DOCK1: variants seen among roughly 807,000 people sequenced by gnomAD.
DOCK1 encodes the protein dedicator of cytokinesis 1, also known as dedicator of cytokinesis protein 1.
A neutral mutation model predicts 262.7 loss-of-function variants in DOCK1; 138 were observed. The ratio of observed to expected loss-of-function variants is 0.53; its 90% CI spans 0.46 to 0.61. DOCK1 has a LOEUF of 0.61. DOCK1 is among the 20% of genes least tolerant of loss of function. The pLI is 0.00. For missense variants in DOCK1, 1,908 were observed against 2,370.7 expected, an observed-to-expected ratio of 0.80 and a Z score of 4.05; for synonymous variants, 866 against 867.4, an observed-to-expected ratio of 1.00 and a Z score of 0.03.
intron 27 of DOCK1, among the ~76,000 whole-genome samples, chr10:127,206,136 C>CTTTTTTTTTTTTTTTTTTTTTTTTT (rs34450374): frequency 2.5e-5 from 2 of 78,622 alleles, no homozygotes; most frequent in Non-Finnish European, 4.5e-5. Flanking sequence ...TTCTTCTTCT[C>CTTTTTTTTTTTTTTTTTTTTTTTTT]TTTTTTTTTT....
intron 43 of DOCK1, among the ~76,000 whole-genome samples, chr10:127,414,052 T>C (rs56773226): frequency 0.094 from 14,283 of 152,108 alleles, 788 homozygotes; most frequent in South Asian, 0.16. Context: ...GCTGAGACTA[T>C]AGGCACATGC....
rs561663540 is a variant in DOCK1, at chr10:127,372,412, C to G, written c.3433-1369C>G. On this transcript the variant is annotated intron_variant, in intron 33 of 51. Coordinates refer to ENST00000623213, the MANE Select transcript of DOCK1 (RefSeq NM_001290223.2). Reference sequence around the variant, plus strand: ...TTTTCACGACTGGGCTTGGCCTGGCCAAGAATGCAGGTTGTGATTTATCAA... The same window carrying G: ...TTTTCACGACTGGGCTTGGCCTGGCGAAGAATGCAGGTTGTGATTTATCAA... 6.6e-5 allele frequency among the ~76,000 whole-genome samples: 10 copies of G among 152,284 alleles called. No homozygotes were observed. The East Asian group carries it at 1.7e-3, about 27-fold the overall frequency.
At chr10:127,033,648 T>C (rs1375233907) in intron 18 of DOCK1, among the ~76,000 whole-genome samples, 8 of 152,198 alleles carry the variant, frequency 5.3e-5, no homozygotes, top group Admixed American at 5.2e-4. Context: ...GGATTGTCCG[T>C]AAATCATGGC....
intron 33 of DOCK1, among the ~76,000 whole-genome samples, chr10:127,362,805 G>A (rs572628448): frequency 2.7e-5 from 3 of 112,100 alleles, no homozygotes; most frequent in African/African-American, 3.4e-5. Context: ...TACTGTTTAT[G>A]TATTCTTGGG....
At chr10:127,232,624 C>G (rs1479484631) in intron 27 of DOCK1, among the ~76,000 whole-genome samples, 1 of 152,118 alleles carries the variant, frequency 6.6e-6, no homozygotes, top group African/African-American at 2.4e-5. Context: ...TCCTGTTGAC[C>G]CTGTTTCCAT....
At chr10:127,224,393 C>T (rs2134470905) in intron 27 of DOCK1, among the ~76,000 whole-genome samples, 1 of 152,042 alleles carries the variant, frequency 6.6e-6, no homozygotes, top group South Asian at 2.1e-4. Context: ...GAAACCCTGT[C>T]TCTAATAAAA....
chr10:127,234,896 T>C (rs550539159), intron 27 of DOCK1, among the ~76,000 whole-genome samples: 2 of 149,086 alleles, frequency 1.3e-5, no homozygotes, highest in Non-Finnish European at 3.0e-5. Flanking sequence ...TTCTTCTTTA[T>C]TTTAAAATAT....
chr10:127,342,266 G>A (rs1024053018), intron 30 of DOCK1, among the ~76,000 whole-genome samples: 1 of 152,108 alleles, frequency 6.6e-6, no homozygotes, highest in Admixed American at 6.5e-5. Flanking sequence ...GGCTGAAATC[G>A]GTGGGAGGTG....
At chr10:127,098,972 T>G (rs899897807) in intron 23 of DOCK1, among the ~76,000 whole-genome samples, 3 of 152,082 alleles carry the variant, frequency 2.0e-5, no homozygotes, top group African/African-American at 7.2e-5. Flanking sequence ...ATAACCAATA[T>G]TAGAAATGAA....
chr10:127,436,879 G>A (rs1054689775), intron 48 of DOCK1, among the ~76,000 whole-genome samples: 8 of 151,746 alleles, frequency 5.3e-5, no homozygotes, highest in African/African-American at 4.8e-5. Flanking sequence ...TCCAAATAAG[G>A]TTCCCACCTT....
intron 23 of DOCK1, among the ~76,000 whole-genome samples, chr10:127,099,369 A>G (rs1419430453): frequency 2.0e-5 from 3 of 152,158 alleles, no homozygotes; most frequent in Non-Finnish European, 4.4e-5. Flanking sequence ...ATTGCAGTCC[A>G]AATAGGAATG....
At chr10:127,098,033 G>C (rs2048012501) in intron 23 of DOCK1, among the ~76,000 whole-genome samples, 1 of 152,194 alleles carries the variant, frequency 6.6e-6, no homozygotes, top group African/African-American at 2.4e-5. Context: ...CTCACCCCCA[G>C]TGAACTGATT....
At chr10:127,043,270 T>G (rs948910053) in intron 21 of DOCK1, 106 bp downstream of exon 21, 5 of 857,486 alleles carry the variant, frequency 5.8e-6, no homozygotes, top group Middle Eastern at 2.6e-4. Context: ...TTACTCCTGC[T>G]CAAAACTCTG....
At chr10:127,268,868 A>G (rs984822779) in intron 29 of DOCK1, among the ~76,000 whole-genome samples, 4 of 152,134 alleles carry the variant, frequency 2.6e-5, no homozygotes, top group African/African-American at 9.7e-5. Flanking sequence ...CCTGCCTGGC[A>G]TGTGGGACAC....
intron 29 of DOCK1, among the ~76,000 whole-genome samples, chr10:127,324,135 G>A (rs1021619860): frequency 2.0e-5 from 3 of 152,216 alleles, no homozygotes; most frequent in South Asian, 2.1e-4. Flanking sequence ...AGATGCTGGC[G>A]CAGGAGCCCA....
chr10:127,050,378 A>G (rs1247559667), intron 21 of DOCK1, among the ~76,000 whole-genome samples: 1 of 150,168 alleles, frequency 6.7e-6, no homozygotes, highest in Non-Finnish European at 1.5e-5. Flanking sequence ...GATATTTCCA[A>G]TAGATATTAT....
At chr10:127,067,020 G>A (rs1383279121) in intron 23 of DOCK1, among the ~76,000 whole-genome samples, 1 of 152,266 alleles carries the variant, frequency 6.6e-6, no homozygotes. Flanking sequence ...CATCAATGGA[G>A]AACAGGCTGG....
intron 37 of DOCK1, among the ~76,000 whole-genome samples, chr10:127,382,919 C>G (rs2065900858): frequency 6.6e-6 from 1 of 152,222 alleles, no homozygotes; most frequent in Non-Finnish European, 1.5e-5. Flanking sequence ...GGCCCAATTG[C>G]ATTGCTGTTT....
intron 27 of DOCK1, among the ~76,000 whole-genome samples, chr10:127,177,400 C>T (rs763341196): frequency 6.6e-6 from 1 of 152,232 alleles, no homozygotes; most frequent in Non-Finnish European, 1.5e-5. Context: ...GGCGGATTCA[C>T]AGCTGTTTAT....
Sources: allele counts gnomAD v4.1 joint callset (sites outside exome capture counted in the v4.1 genomes callset), GRCh38; gene constraint gnomAD v4.1.1; transcripts MANE v1.5; gene names NCBI Gene and HGNC (gene_info 2026-07-23, HGNC 2026-07-21).